HNRNPA2B1: variants seen among roughly 807,000 people sequenced by gnomAD.
The protein encoded by HNRNPA2B1 is heterogeneous nuclear ribonucleoprotein A2/B1, also known as heterogeneous nuclear ribonucleoproteins A2/B1.
Under a neutral mutation model 46.3 loss-of-function variants are expected in HNRNPA2B1, and 3 were observed. The observed-to-expected ratio is 0.06, with a 90% confidence interval of 0.03 to 0.17. The LOEUF is 0.17. Among genes scored for constraint, HNRNPA2B1 ranks in the 10% least tolerant of loss-of-function variants. The pLI, the probability that HNRNPA2B1 is intolerant of heterozygous loss-of-function variation, is 1.00. For missense variants in HNRNPA2B1, 221 were observed against 418.9 expected (o/e 0.53, Z 4.12); for synonymous variants, 225 against 133.8 (o/e 1.68, Z -4.70).
intron 10 of HNRNPA2B1, 58 bp downstream of exon 10, chr7:26,192,437 A>T: frequency 8.8e-7 from 1 of 1,130,182 alleles, no homozygotes; most frequent in Non-Finnish European, 1.3e-6. Context: ...AAAAGCTTTT[A>T]CTCCTGCAGC....
At chr7:26,197,601 A>G in intron 2 of HNRNPA2B1, 21 bp downstream of exon 2, 1 of 1,586,360 alleles carries the variant, frequency 6.3e-7, no homozygotes, top group Non-Finnish European at 8.7e-7. Context: ...ATATCCAGTA[A>G]CAATTCAGTA....
rs1783126651 is a variant in HNRNPA2B1, at chr7:26,193,370, T to C, written c.845A>G (p.Asn282Ser). 4 of 1,610,128 alleles carry C rather than the reference T, an allele frequency of 2.5e-6. No homozygotes were observed. The highest frequency in any genetic ancestry group is 3.4e-6 in the Non-Finnish European group (4 of 1,176,720). Residue 282 changes from asparagine to serine, a missense_variant, in exon 9 of 11, where the codon AAT becomes AGT. Asn to Ser is a conservative substitution (Grantham distance 46). This residue lies in a region of HNRNPA2B1 where 143 missense variants were observed against 200.5 expected (regional missense o/e 0.71). Coordinates refer to ENST00000618183, the MANE Select transcript of HNRNPA2B1 (RefSeq NM_002137.4). Reference protein sequence around the residue: ...GGGYDNYGGGNYGSGNYNDFG... With the variant: ...GGGYDNYGGGSYGSGNYNDFG... ...ATCATTGTAATTTCCACTTCCATAA[T>C]TTCCTATTAAAAAATTGGAATACTC...
At chr7:26,199,620 G>A (rs1038336414) in intron 1 of HNRNPA2B1, 1 of 152,220 alleles carries the variant, frequency 6.6e-6, no homozygotes, top group South Asian at 2.1e-4. Flanking sequence ...ATTCTGACGC[G>A]AATATCCCTC....
chr7:26,192,860 A>G (rs1024980608), intron 9 of HNRNPA2B1, among the ~76,000 whole-genome samples: 1 of 152,204 alleles, frequency 6.6e-6, no homozygotes, highest in African/African-American at 2.4e-5. Context: ...CAAGCCCAAG[A>G]CAAAGCTAGT....
In HNRNPA2B1 at chr7:26,191,148, A is replaced by G. The variant is rs1782869014; in HGVS notation, c.*1212T>C. 1 of 152,342 alleles carries G rather than the reference A, an allele frequency of 6.6e-6. No individual in the cohort carries two copies. 9.4% of individuals were successfully genotyped at this position (152,342 alleles called of 1,614,324 possible). ...TCAATGCTAAAATTCCGGCAGGGAA[A>G]AAAATGATATGTTAAGCACCCAAAT... is the stretch of plus-strand genomic sequence containing the variant. On this transcript the variant is annotated 3_prime_UTR_variant, in exon 11 of 11. Coordinates refer to ENST00000618183, the MANE Select transcript of HNRNPA2B1 (RefSeq NM_002137.4).
At chr7:26,195,658 G>C in intron 7 of HNRNPA2B1, 189 bp downstream of exon 7, 1 of 561,080 alleles carries the variant, frequency 1.8e-6, no homozygotes, top group Admixed American at 3.7e-5. Flanking sequence ...ATTTAAAATG[G>C]CACTCTATTC....
Position 26,191,064 on chromosome 7 carries a change from T to C in HNRNPA2B1, c.*1296A>G, listed in dbSNP as rs1006501283. 3 of 152,438 alleles carry C rather than the reference T, an allele frequency of 2.0e-5. No homozygotes were observed. Among genetic ancestry groups the C allele is most frequent in the Admixed American group, 1.3e-4 (2 of 15,266 alleles). The allele number at this position is 152,438 out of a possible 1,614,324, so 9.4% of individuals were successfully genotyped here. The stretch of plus-strand genomic sequence containing the variant: ...ATGATCACTTGGCTTGCCTCAGCTG[T>C]TGAAATGAAGCACTTTACAGTCTTT... On this transcript the variant is annotated 3_prime_UTR_variant, in exon 11 of 11. Coordinates refer to ENST00000618183, the MANE Select transcript of HNRNPA2B1 (RefSeq NM_002137.4).
chr7:26,195,408 A>C (rs942336429), intron 7 of HNRNPA2B1, among the ~76,000 whole-genome samples: 7 of 152,210 alleles, frequency 4.6e-5, no homozygotes, highest in Non-Finnish European at 5.9e-5. Context: ...GAGCACACTA[A>C]ACATTTTGGA....
At chr7:26,199,409 C>T (rs539492271) in intron 1 of HNRNPA2B1, 1 of 152,256 alleles carries the variant, frequency 6.6e-6, no homozygotes, top group Non-Finnish European at 1.5e-5. Context: ...GCACATCAAT[C>T]CATACGCATT....
chr7:26,199,389 A>G (rs113618008), intron 1 of HNRNPA2B1: 9 of 152,416 alleles, frequency 5.9e-5, no homozygotes, highest in African/African-American at 2.2e-4. Context: ...CCCAGGCCCA[A>G]AACAGTTTTG....
intron 1 of HNRNPA2B1, chr7:26,199,335 T>C (rs1784070802): frequency 6.6e-6 from 1 of 152,476 alleles, no homozygotes; most frequent in South Asian, 2.1e-4. Context: ...CAACCAAGAT[T>C]GCAAACAAAA....
chr7:26,196,694 TCAA>T (rs759704321), intron 4 of HNRNPA2B1, 36 bp from the exon 5 acceptor site: 5 of 1,584,706 alleles, frequency 3.2e-6, no homozygotes, highest in African/African-American at 1.4e-5. Flanking sequence ...TTAAATTAAA[TCAA>T]CAATATTAAG....
chr7:26,190,724 A>G lies in HNRNPA2B1; in HGVS notation c.*1636T>C, dbSNP rs568032043. The G allele has an allele frequency of 2.0e-5, 3 of 152,302 alleles. No homozygotes were observed. The highest frequency in any genetic ancestry group is 2.1e-4 in the South Asian group (1 of 4,834). 9.4% of individuals were successfully genotyped at this position (152,302 alleles called of 1,614,324 possible). The stretch of plus-strand genomic sequence containing the variant: ...ACCACATTTAACCCACCTATTTAGT[A>G]CTGGATACATACCAGGCTTCATAAT... On this transcript the variant is annotated 3_prime_UTR_variant, in exon 11 of 11. Coordinates refer to ENST00000618183, the MANE Select transcript of HNRNPA2B1 (RefSeq NM_002137.4).
intron 7 of HNRNPA2B1, 95 bp downstream of exon 7, chr7:26,195,751 TA>T: frequency 7.3e-7 from 1 of 1,369,074 alleles, no homozygotes; most frequent in Non-Finnish European, 9.9e-7. Flanking sequence ...GACACTAATA[TA>T]AAATGTTTAA....
chr7:26,193,167 T>TTA lies in HNRNPA2B1; in HGVS notation c.964+82_964+83dup. On this transcript the variant is annotated intron_variant, in intron 9 of 10. Coordinates refer to ENST00000618183, the MANE Select transcript of HNRNPA2B1 (RefSeq NM_002137.4). ...GAGCACTGCCCACAGTACAAACTAC[T>TTA]TAGTATGTTATCTTCCCTTTAAGTC... 3.0e-6 allele frequency: 4 copies of TTA among 1,334,162 alleles called. No homozygotes were observed. The East Asian group carries it at 9.2e-5, about 31-fold the overall frequency. 82.6% of individuals were successfully genotyped at this position (1,334,162 alleles called of 1,614,324 possible).
chr7:26,196,486 A>G lies in HNRNPA2B1; in HGVS notation c.578-5T>C. 1 of 1,614,156 alleles carries G rather than the reference A, an allele frequency of 6.2e-7. No individual in the cohort carries two copies. The highest frequency in any genetic ancestry group is 8.5e-7 in the Non-Finnish European group (1 of 1,179,996). On this transcript the variant is annotated splice_region_variant and splice_polypyrimidine_tract_variant and intron_variant, in intron 5 of 10. Transcript: ENST00000618183. ...AATCCCCAAAGCCAAAGTTGCCTAC[A>G]ATAAATGCCCCAGTTAGAAGCAAGC...
intron 7 of HNRNPA2B1, among the ~76,000 whole-genome samples, chr7:26,194,739 G>A (rs1395508664): frequency 1.3e-5 from 2 of 150,908 alleles, no homozygotes. Context: ...GTTCTTTACT[G>A]TAAATAGAAG....
chr7:26,194,979 A>T (rs1783366326), intron 7 of HNRNPA2B1, among the ~76,000 whole-genome samples: 1 of 151,342 alleles, frequency 6.6e-6, no homozygotes, highest in Non-Finnish European at 1.5e-5. Context: ...CGGTAATCCC[A>T]GCTACTCAGG....
At chr7:26,193,395 C>G in intron 8 of HNRNPA2B1, 22 bp from the exon 9 acceptor site, 1 of 1,604,834 alleles carries the variant, frequency 6.2e-7, no homozygotes, top group Non-Finnish European at 8.5e-7. Flanking sequence ...TTGGAATACT[C>G]AGAACAATAC....
Sources: allele counts gnomAD v4.1 joint callset (sites outside exome capture counted in the v4.1 genomes callset), GRCh38; gene constraint gnomAD v4.1.1; regional missense constraint gnomAD v4.1.1; transcripts MANE v1.5; gene names NCBI Gene and HGNC (gene_info 2026-07-23, HGNC 2026-07-21).